The following NRG2 variants were observed in gnomAD, a reference collection of about 807,000 sequenced individuals.
NRG2 encodes the protein neuregulin 2.
A neutral mutation model predicts 73.9 loss-of-function variants in NRG2; 27 were observed. The ratio of observed to expected loss-of-function variants is 0.37; its 90% CI spans 0.27 to 0.50. The LOEUF (loss-of-function observed/expected upper bound fraction) is 0.50, where lower values mean the gene tolerates loss of function less well. Among genes scored for constraint, NRG2 ranks in the 20% least tolerant of loss-of-function variants. The pLI is 0.96. For synonymous variants in NRG2, 532 were observed against 541.0 expected, an observed-to-expected ratio of 0.98 and a Z score of 0.23; for missense variants, 1,126 against 1,210.1, an observed-to-expected ratio of 0.93 and a Z score of 1.03.
Position 139,848,008 on chromosome 5 carries a change from T to C in NRG2, c.2462A>G (p.Tyr821Cys). 1 of 1,514,418 alleles carries C rather than the reference T, an allele frequency of 6.6e-7. No homozygotes were observed. Among genetic ancestry groups the C allele is most frequent in the East Asian group, 2.7e-5 (1 of 37,154 alleles). 93.8% of individuals were successfully genotyped at this position (1,514,418 alleles called of 1,614,324 possible). The change falls in exon 10 of 10, where the codon TAC (tyrosine) becomes TGC (cysteine). Residue 821 changes from tyrosine to cysteine, a missense_variant. Coordinates refer to ENST00000361474, the MANE Select transcript of NRG2 (RefSeq NM_004883.3). Reference protein sequence around the residue: ...PLCPAADSRTYYSLDSHSTRA... With the variant: ...PLCPAADSRTCYSLDSHSTRA... ...CGTGCTGTGGCTGTCCAGTGAGTAG[T>C]AAGTCCTGCTGTCGGCCGCCGGGCA...
At chr5:139,986,763 A>C (rs995760412) in intron 1 of NRG2, among the ~76,000 whole-genome samples, 33 of 152,208 alleles carry the variant, frequency 2.2e-4, no homozygotes, top group African/African-American at 8.0e-4. Context: ...GAACTGGAGA[A>C]TGGAATTTTT....
At chr5:139,964,535 TCCCAAA>T (rs1755339015) in intron 1 of NRG2, among the ~76,000 whole-genome samples, 1 of 152,172 alleles carries the variant, frequency 6.6e-6, no homozygotes. Context: ...AATCACATGT[TCCCAAA>T]CATTGCCATA....
intron 1 of NRG2, among the ~76,000 whole-genome samples, chr5:139,899,120 T>C (rs1764725759): frequency 1.3e-5 from 2 of 152,252 alleles, no homozygotes; most frequent in African/African-American, 2.4e-5. Flanking sequence ...CAGCCAGCAC[T>C]GCAGACCCCA....
intron 1 of NRG2, among the ~76,000 whole-genome samples, chr5:140,039,108 C>T: frequency 6.6e-6 from 1 of 152,182 alleles, no homozygotes; most frequent in Non-Finnish European, 1.5e-5. Flanking sequence ...ACACTATACA[C>T]TGGAAAACTG....
intron 1 of NRG2, among the ~76,000 whole-genome samples, chr5:140,033,004 T>G (rs1350549270): frequency 6.6e-6 from 1 of 152,214 alleles, no homozygotes; most frequent in African/African-American, 2.4e-5. Flanking sequence ...TACAAACACT[T>G]AAAGAGTAAG....
intron 1 of NRG2, among the ~76,000 whole-genome samples, chr5:139,932,062 T>C (rs979813687): frequency 6.6e-6 from 1 of 152,214 alleles, no homozygotes; most frequent in Non-Finnish European, 1.5e-5. Flanking sequence ...AACTACCATA[T>C]GACCCAGAAA....
chr5:140,020,103 C>A (rs1190728971), intron 1 of NRG2, among the ~76,000 whole-genome samples: 1 of 152,160 alleles, frequency 6.6e-6, no homozygotes, highest in Admixed American at 6.5e-5. Context: ...TCTGAACGTA[C>A]AGCAAGAGGA....
intron 1 of NRG2, among the ~76,000 whole-genome samples, chr5:139,918,277 G>A (rs1206377339): frequency 2.0e-5 from 3 of 152,050 alleles, no homozygotes; most frequent in African/African-American, 4.8e-5. Flanking sequence ...AAACTCTGGT[G>A]GTCATATCAA....
At position 140,042,434 on chromosome 5, in the gene NRG2, G is replaced by A; in HGVS notation, c.636C>T (p.Ala212=). ...EQPLVFKTAF[A]PLDTNGKNLK... ...GATTTTTGCCGTTGGTATCGAGGGG[G>A]GCAAAGGCCGTCTTAAAGACTAAGG... Residue 212 remains alanine (A), a synonymous_variant, in exon 1 of 10, where the codon GCC becomes GCT. Coordinates refer to ENST00000361474, the MANE Select transcript of NRG2 (RefSeq NM_004883.3). 1 of 1,610,082 alleles carries A rather than the reference G, an allele frequency of 6.2e-7. No individual in the cohort carries two copies. The highest frequency in any genetic ancestry group is 1.1e-5 in the South Asian group (1 of 90,220).
chr5:139,978,655 T>A (rs1464037478), intron 1 of NRG2, among the ~76,000 whole-genome samples: 1 of 152,204 alleles, frequency 6.6e-6, no homozygotes, highest in Non-Finnish European at 1.5e-5. Context: ...TATAAACATA[T>A]AAAACATGCT....
At chr5:140,031,977 A>G (rs1761190950) in intron 1 of NRG2, among the ~76,000 whole-genome samples, 2 of 152,188 alleles carry the variant, frequency 1.3e-5, no homozygotes, top group South Asian at 4.1e-4. Flanking sequence ...GAGAAACATT[A>G]GGAGAAAGGA....
chr5:139,962,961 C>G (rs975445905), intron 1 of NRG2, among the ~76,000 whole-genome samples: 1 of 152,160 alleles, frequency 6.6e-6, no homozygotes, highest in African/African-American at 2.4e-5. Context: ...ATATAAAAGC[C>G]CTCTCTAGAC....
At chr5:139,924,663 A>G (rs1485793386) in intron 1 of NRG2, among the ~76,000 whole-genome samples, 1 of 152,162 alleles carries the variant, frequency 6.6e-6, no homozygotes, top group East Asian at 1.9e-4. Context: ...TAAAGGAAAT[A>G]TTTCTGTGTC....
chr5:140,042,885 G>C lies in NRG2; in HGVS notation c.185C>G (p.Pro62Arg), dbSNP rs566656807. 1 of 1,520,594 alleles carries C rather than the reference G, an allele frequency of 6.6e-7. No homozygotes were observed. The highest frequency in any genetic ancestry group is 8.8e-7 in the Non-Finnish European group (1 of 1,135,842). 94.2% of individuals were successfully genotyped at this position (1,520,594 alleles called of 1,614,324 possible). Residue 62 changes from proline to arginine, a missense_variant, in exon 1 of 10, where the codon CCC becomes CGC. Coordinates refer to ENST00000361474, the MANE Select transcript of NRG2 (RefSeq NM_004883.3). ...NNSSISRPAA[P>R]PEPRPQQQPQ... The stretch of plus-strand genomic sequence containing the variant: ...CTGTTGCTGCGGCCGCGGCTCTGGG[G>C]GCGCAGCGGGACGAGAGATGCTGCT...
intron 1 of NRG2, among the ~76,000 whole-genome samples, chr5:140,033,865 T>C (rs1761321428): frequency 6.6e-6 from 1 of 152,232 alleles, no homozygotes; most frequent in Non-Finnish European, 1.5e-5. Context: ...ATAGCAATTC[T>C]ATAAAGTGCC....
At chr5:139,996,358 A>AACATCG (rs1698357647) in intron 1 of NRG2, among the ~76,000 whole-genome samples, 1 of 152,230 alleles carries the variant, frequency 6.6e-6, no homozygotes, top group Non-Finnish European at 1.5e-5. Context: ...GGGAGACCAC[A>AACATCG]GTCTAGTTAA....
At position 139,915,992 on chromosome 5, in the gene NRG2, T is replaced by G. The variant is rs1051214458; in HGVS notation, c.701-28481A>C. ...GCACCTGGAGCTCATGCTAAGGGAA[T>G]GAAAGGATATTGAAGGGTTCTGAGC... On this transcript the variant is annotated intron_variant, in intron 1 of 9. Coordinates refer to ENST00000361474, the MANE Select transcript of NRG2 (RefSeq NM_004883.3). This position sits in a 1 kb window ranked among gnomAD's most constrained non-coding sequence, Gnocchi z 4.0. Among the ~76,000 whole-genome samples the G allele has an allele frequency of 6.6e-6, 1 of 152,084 alleles. No homozygotes were observed. Among genetic ancestry groups the G allele is most frequent in the African/African-American group, 2.4e-5 (1 of 41,418 alleles).
In NRG2 at chr5:140,042,510, G is replaced by T. The variant is rs749723224; in HGVS notation, c.560C>A (p.Pro187Gln). The change falls in exon 1 of 10, where the codon CCG becomes CAG. Residue 187 changes from proline (P) to glutamine (Q), a missense_variant. By Grantham distance (76) the Pro-to-Gln change is moderately conservative. Coordinates refer to ENST00000361474, the MANE Select transcript of NRG2 (RefSeq NM_004883.3). Reference protein sequence around the residue: ...EQVISVGSCVPLERNQRYIFF... With the variant: ...EQVISVGSCVQLERNQRYIFF... ...GATGTAGCGCTGGTTCCTTTCGAGCGGCACACAGGAGCCCACGCTGATCAC... is the reference window on the plus strand; with the variant it reads ...GATGTAGCGCTGGTTCCTTTCGAGCTGCACACAGGAGCCCACGCTGATCAC... 4.3e-6 allele frequency: 7 copies of T among 1,613,454 alleles called. No homozygotes were observed. In the Admixed American group the frequency reaches 5.0e-5, roughly 12 times the overall value.
chr5:139,990,893 AC>A (rs1757572364), intron 1 of NRG2, among the ~76,000 whole-genome samples: 1 of 152,168 alleles, frequency 6.6e-6, no homozygotes, highest in African/African-American at 2.4e-5. Context: ...TATCCTTAAC[AC>A]TAATCCTTTG....
Sources: allele counts gnomAD v4.1 joint callset (sites outside exome capture counted in the v4.1 genomes callset), GRCh38; gene constraint gnomAD v4.1.1; non-coding constraint Gnocchi (gnomAD v3.1); transcripts MANE v1.5; gene names NCBI Gene and HGNC (gene_info 2026-07-23, HGNC 2026-07-21).